Variants in PPP1R12A observed in about 807,000 individuals in gnomAD.
PPP1R12A encodes the protein myosin binding subunit.
A neutral mutation model predicts 139.6 loss-of-function variants in PPP1R12A; 19 were observed. The observed-to-expected ratio is 0.14, with a 90% CI of 0.09 to 0.20. PPP1R12A has a LOEUF of 0.20. Ranked by LOEUF, PPP1R12A falls within the 10% of genes least tolerant of loss-of-function variation. The pLI, the probability that PPP1R12A is intolerant of heterozygous loss-of-function variation, is 1.00. For missense variants in PPP1R12A, 925 were observed against 1,211.5 expected, an observed-to-expected ratio of 0.76 and a Z score of 3.51; for synonymous variants, 427 against 420.6, an observed-to-expected ratio of 1.02 and a Z score of -0.19.
intron 22 of PPP1R12A, among the ~76,000 whole-genome samples, chr12:79,783,435 TC>T (rs1383377886): frequency 1.3e-5 from 2 of 151,892 alleles, no homozygotes; most frequent in Admixed American, 1.3e-4. Context: ...ACCACTGCAC[TC>T]CAGCTTGAGT....
At chr12:79,879,642 T>C (rs925079967) in intron 1 of PPP1R12A, among the ~76,000 whole-genome samples, 2 of 152,124 alleles carry the variant, frequency 1.3e-5, no homozygotes, top group Non-Finnish European at 2.9e-5. Context: ...AAAGGATACA[T>C]ACTGCAGGTC....
chr12:79,867,257 G>C (rs1882071041), intron 2 of PPP1R12A, among the ~76,000 whole-genome samples: 1 of 152,058 alleles, frequency 6.6e-6, no homozygotes, highest in Non-Finnish European at 1.5e-5. Flanking sequence ...CTCATAAGTG[G>C]GAATTGAACA....
intron 1 of PPP1R12A, among the ~76,000 whole-genome samples, chr12:79,919,793 G>C (rs1887299044): frequency 6.6e-6 from 1 of 152,110 alleles, no homozygotes; most frequent in Non-Finnish European, 1.5e-5. Flanking sequence ...CTGAGGCTGG[G>C]GGACTGATAG....
intron 1 of PPP1R12A, among the ~76,000 whole-genome samples, chr12:79,883,830 TAGTC>T (rs1436739716): frequency 1.3e-5 from 2 of 152,120 alleles, no homozygotes; most frequent in African/African-American, 4.8e-5. Context: ...TGTGATACCT[TAGTC>T]AGTAAACAGC....
At position 79,918,140 on chromosome 12, in the gene PPP1R12A, G is replaced by A. The variant is rs542199216; in HGVS notation, c.237+16555C>T. Among the ~76,000 whole-genome samples the A allele has an allele frequency of 1.1e-4, 16 of 151,588 alleles. No individual in the cohort carries two copies. The East Asian group carries it at 2.9e-3, about 27-fold the overall frequency. On this transcript the variant is annotated intron_variant, in intron 1 of 24. Transcript: ENST00000450142. ...AAACAAAATTTTGCATATATTTTTA[G>A]GCAGTTCACTGAAACCTTAAAAAAA...
chr12:79,785,753 T>G (rs1871043099), intron 22 of PPP1R12A, among the ~76,000 whole-genome samples: 1 of 152,146 alleles, frequency 6.6e-6, no homozygotes, highest in African/African-American at 2.4e-5. Context: ...TTTTTTTTTG[T>G]TTTTTGAAAG....
intron 1 of PPP1R12A, among the ~76,000 whole-genome samples, chr12:79,927,108 A>G (rs1240195062): frequency 6.6e-6 from 1 of 151,972 alleles, no homozygotes; most frequent in Non-Finnish European, 1.5e-5. Context: ...TGGGAGGATC[A>G]CTTGAGCCCA....
At chr12:79,790,607 CT>C (rs1352785833) in intron 19 of PPP1R12A, 124 bp from the exon 20 acceptor site, 2 of 615,526 alleles carry the variant, frequency 3.2e-6, no homozygotes, top group East Asian at 3.0e-5. Flanking sequence ...ACCTAAGGTT[CT>C]TTATGCATAA....
At chr12:79,857,990 A>G (rs1880882921) in intron 2 of PPP1R12A, among the ~76,000 whole-genome samples, 1 of 152,218 alleles carries the variant, frequency 6.6e-6, no homozygotes, top group South Asian at 2.1e-4. Context: ...CATTATTAGT[A>G]TACAAGGATA....
At chr12:79,921,518 T>C (rs1887435192) in intron 1 of PPP1R12A, among the ~76,000 whole-genome samples, 1 of 152,202 alleles carries the variant, frequency 6.6e-6, no homozygotes. Flanking sequence ...TTCTCAGGGA[T>C]GTCTTCCATT....
At chr12:79,899,421 G>GT (rs990627532) in intron 1 of PPP1R12A, among the ~76,000 whole-genome samples, 8 of 150,714 alleles carry the variant, frequency 5.3e-5, no homozygotes, top group African/African-American at 9.7e-5. Flanking sequence ...ACTGTTCTGG[G>GT]TTTTTTTTTC....
intron 9 of PPP1R12A, among the ~76,000 whole-genome samples, chr12:79,811,739 TTTA>T: frequency 6.6e-6 from 1 of 152,320 alleles, no homozygotes; most frequent in East Asian, 1.9e-4. Flanking sequence ...ATGACTTTTT[TTTA>T]TTTTTTTTCT....
chr12:79,805,589 C>T lies in PPP1R12A; in HGVS notation c.2000+3G>A. On this transcript the variant is annotated splice_donor_region_variant and intron_variant, in intron 14 of 24. Transcript: ENST00000450142. ...CAGCAGTACTGTTATGACCTTTACA[C>T]ACCTGCGTCTCTCCCTGACCTCTGT... 6.2e-7 allele frequency: 1 copy of T among 1,613,430 alleles called. No homozygotes were observed. Among genetic ancestry groups the T allele is most frequent in the Non-Finnish European group, 8.5e-7 (1 of 1,179,586 alleles).
intron 1 of PPP1R12A, among the ~76,000 whole-genome samples, chr12:79,890,891 C>CACACACACA (rs1565800078): frequency 3.0e-5 from 3 of 99,532 alleles, no homozygotes; most frequent in African/African-American, 1.2e-4. Context: ...CACACACCAC[C>CACACACACA]CACCCACACC....
chr12:79,800,592 A>G (rs1872996621), intron 14 of PPP1R12A, among the ~76,000 whole-genome samples: 1 of 151,714 alleles, frequency 6.6e-6, no homozygotes, highest in Non-Finnish European at 1.5e-5. Flanking sequence ...ACAGGGAGTC[A>G]GCACCCCTAA....
At chr12:79,896,122 A>C (rs1885108492) in intron 1 of PPP1R12A, among the ~76,000 whole-genome samples, 1 of 152,158 alleles carries the variant, frequency 6.6e-6, no homozygotes, top group African/African-American at 2.4e-5. Context: ...GATAAGAAGA[A>C]GGGGTTGTGA....
chr12:79,820,108 AC>A (rs1875913443), intron 8 of PPP1R12A, among the ~76,000 whole-genome samples: 1 of 152,194 alleles, frequency 6.6e-6, no homozygotes, highest in Non-Finnish European at 1.5e-5. Context: ...ATAAAAATGA[AC>A]TAGAAGATTA....
chr12:79,812,449 TTGTGTG>T (rs372835131), intron 9 of PPP1R12A, among the ~76,000 whole-genome samples: 1 of 133,848 alleles, frequency 7.5e-6, no homozygotes, highest in East Asian at 2.2e-4. Context: ...CTGTGTGTGT[TTGTGTG>T]TGTGTGTGTG....
At chr12:79,780,474 T>C (rs1290329287) in intron 23 of PPP1R12A, 3 of 152,116 alleles carry the variant, frequency 2.0e-5, no homozygotes, top group Non-Finnish European at 4.4e-5. Context: ...AAAAAAAGTA[T>C]CAAAATATCA....
Sources: allele counts gnomAD v4.1 joint callset (sites outside exome capture counted in the v4.1 genomes callset), GRCh38; gene constraint gnomAD v4.1.1; transcripts MANE v1.5; gene names NCBI Gene and HGNC (gene_info 2026-07-23, HGNC 2026-07-21).